Variants in GMDS observed in about 807,000 individuals in gnomAD.
The protein encoded by GMDS is GDP-mannose 4,6-dehydratase.
Under a neutral mutation model 49.9 loss-of-function variants are expected in GMDS, and 20 were observed. The ratio of observed to expected loss-of-function variants is 0.40; its 90% CI spans 0.28 to 0.58. The LOEUF is 0.58. Ranked by LOEUF, GMDS falls within the 20% of genes least tolerant of loss-of-function variation. GMDS has a pLI of 0.42. For synonymous variants in GMDS, 177 were observed against 178.6 expected (o/e 0.99, Z 0.07); for missense variants, 362 against 481.4 (o/e 0.75, Z 2.32).
intron 4 of GMDS, among the ~76,000 whole-genome samples, chr6:1,999,958 ATTATAT>A (rs1766589224): frequency 9.7e-5 from 2 of 20,642 alleles, no homozygotes; most frequent in South Asian, 3.4e-3. Context: ...TAATATGTAT[ATTATAT>A]ATATATTATA....
intron 7 of GMDS, among the ~76,000 whole-genome samples, chr6:1,781,856 CTT>C (rs386405898): frequency 3.5e-5 from 5 of 144,268 alleles, no homozygotes; most frequent in Admixed American, 6.9e-5. Context: ...CTCAAACCAA[CTT>C]TTTTTTTTTT....
intron 7 of GMDS, among the ~76,000 whole-genome samples, chr6:1,746,430 AG>A (rs1767498046): frequency 6.6e-6 from 1 of 152,194 alleles, no homozygotes; most frequent in Admixed American, 6.5e-5. Flanking sequence ...GGAATGTGCC[AG>A]GGCTTCAGAT....
chr6:2,148,705 C>A (rs1165596898), intron 1 of GMDS, among the ~76,000 whole-genome samples: 2 of 152,190 alleles, frequency 1.3e-5, no homozygotes, highest in Non-Finnish European at 2.9e-5. Context: ...CAGGCATGAA[C>A]CACCACGTCC....
Position 2,130,193 on chromosome 6 carries a change from C to T in GMDS, c.103-5462G>A, listed in dbSNP as rs190008399. ...ACCAAAGTGAAGAACAAAAATAGAGCCAATAATTATCAATAGAGCAATAAT... is the reference window on the plus strand; with the variant it reads ...ACCAAAGTGAAGAACAAAAATAGAGTCAATAATTATCAATAGAGCAATAAT... On this transcript the variant is annotated intron_variant, in intron 1 of 10. Coordinates refer to ENST00000380815, the MANE Select transcript of GMDS (RefSeq NM_001500.4). Among the ~76,000 whole-genome samples the T allele has an allele frequency of 1.0e-4, 13 of 124,746 alleles. No homozygotes were observed. The East Asian group carries it at 2.3e-3, about 22-fold the overall frequency. The allele number at this position is 124,746 out of a possible 152,430, so 81.8% of individuals were successfully genotyped here. A position where few individuals can be genotyped will look rare whatever the true frequency, so the allele number is the denominator to read the frequency against.
At chr6:1,900,126 G>C (rs537666417) in intron 7 of GMDS, among the ~76,000 whole-genome samples, 4 of 152,320 alleles carry the variant, frequency 2.6e-5, no homozygotes, top group Admixed American at 2.6e-4. Flanking sequence ...GTCAAGCTTG[G>C]AGGAGCAGGG....
intron 9 of GMDS, among the ~76,000 whole-genome samples, chr6:1,698,724 C>G (rs1374580528): frequency 6.6e-6 from 1 of 151,812 alleles, no homozygotes; most frequent in African/African-American, 2.4e-5. Context: ...GTGTGCGCGA[C>G]CCTGGACAGA....
intron 7 of GMDS, among the ~76,000 whole-genome samples, chr6:1,746,375 C>T (rs1330508475): frequency 6.6e-6 from 1 of 152,196 alleles, no homozygotes; most frequent in Non-Finnish European, 1.5e-5. Context: ...AAAAAAATCT[C>T]CTGTTTTTTA....
chr6:1,729,265 T>C (rs1766704738), intron 8 of GMDS, among the ~76,000 whole-genome samples: 1 of 152,228 alleles, frequency 6.6e-6, no homozygotes, highest in Non-Finnish European at 1.5e-5. Flanking sequence ...GTTTATTAAA[T>C]ACAGCCTGAA....
chr6:1,961,176 G>A (rs1158744047), intron 4 of GMDS, among the ~76,000 whole-genome samples: 1 of 152,194 alleles, frequency 6.6e-6, no homozygotes, highest in Non-Finnish European at 1.5e-5. Context: ...CTATGGTAAT[G>A]TGAAGAACAC....
chr6:1,973,132 C>T (rs976921878), intron 4 of GMDS, among the ~76,000 whole-genome samples: 2 of 152,266 alleles, frequency 1.3e-5, no homozygotes, highest in African/African-American at 2.4e-5. Context: ...GAAATCTGCA[C>T]GTGTGTGACC....
intron 7 of GMDS, among the ~76,000 whole-genome samples, chr6:1,775,986 T>C (rs775377803): frequency 4.6e-5 from 7 of 152,206 alleles, no homozygotes; most frequent in Non-Finnish European, 7.3e-5. Context: ...AATATTCTAC[T>C]GAGCAATACA....
chr6:1,717,825 A>G (rs1766227261), intron 9 of GMDS, among the ~76,000 whole-genome samples: 1 of 152,178 alleles, frequency 6.6e-6, no homozygotes, highest in Non-Finnish European at 1.5e-5. Flanking sequence ...TACACTTATA[A>G]AAGCCCTTTC....
intron 1 of GMDS, among the ~76,000 whole-genome samples, chr6:2,212,827 CG>C (rs1780136035): frequency 6.6e-6 from 1 of 151,706 alleles, no homozygotes; most frequent in Non-Finnish European, 1.5e-5. Flanking sequence ...ACCATAAGAG[CG>C]TGTGTCATCC....
At chr6:1,866,744 A>AGC (rs1339476951) in intron 7 of GMDS, among the ~76,000 whole-genome samples, 3 of 152,252 alleles carry the variant, frequency 2.0e-5, no homozygotes, top group African/African-American at 7.2e-5. Flanking sequence ...AAGAGCAGAA[A>AGC]GCCTGCTAGG....
chr6:2,004,602 G>A (rs1767041474), intron 4 of GMDS, among the ~76,000 whole-genome samples: 2 of 152,074 alleles, frequency 1.3e-5, no homozygotes. Context: ...ACATCCCCTG[G>A]GCTTGGCTCA....
intron 7 of GMDS, among the ~76,000 whole-genome samples, chr6:1,790,529 G>A (rs1242463646): frequency 6.6e-6 from 1 of 152,104 alleles, no homozygotes; most frequent in Non-Finnish European, 1.5e-5. Flanking sequence ...TGTTTTAAAG[G>A]AAACAAGCAG....
At chr6:2,010,622 CAG>C (rs1767501818) in intron 4 of GMDS, among the ~76,000 whole-genome samples, 1 of 152,024 alleles carries the variant, frequency 6.6e-6, no homozygotes, top group Non-Finnish European at 1.5e-5. Flanking sequence ...TGAGAGCAAA[CAG>C]AAACTACATG....
chr6:1,932,671 G>T (rs1456603616), intron 6 of GMDS, among the ~76,000 whole-genome samples: 1 of 151,396 alleles, frequency 6.6e-6, no homozygotes, highest in Non-Finnish European at 1.5e-5. Flanking sequence ...CCGAAAAGCT[G>T]GGACTACAGG....
chr6:1,681,173 C>T (rs948849404), intron 9 of GMDS, among the ~76,000 whole-genome samples: 3 of 152,050 alleles, frequency 2.0e-5, no homozygotes, highest in Non-Finnish European at 4.4e-5. Context: ...CCTCCCCCAC[C>T]GAGAGGCGAT....
Sources: gnomAD v4.1 joint callset for allele counts (sites outside exome capture counted in the v4.1 genomes callset) on GRCh38, gnomAD v4.1.1 for gene constraint, MANE v1.5 for transcripts, NCBI Gene and HGNC (gene_info 2026-07-23, HGNC 2026-07-21) for gene names.